PTPRK: variants seen among roughly 807,000 people sequenced by gnomAD.
The protein encoded by PTPRK is receptor-type tyrosine-protein phosphatase kappa.
PTPRK carries 75 observed loss-of-function variants against 178.0 expected under a neutral mutation model. The ratio of observed to expected loss-of-function variants is 0.42; its 90% confidence interval spans 0.35 to 0.51. PTPRK has a LOEUF of 0.51. PTPRK is among the 20% of genes least tolerant of loss of function. The probability of loss-of-function intolerance (pLI) is 0.02; values close to 1 mark genes in which losing one functional copy is unlikely to be tolerated. For synonymous variants in PTPRK, 637 were observed against 620.6 expected, an observed-to-expected ratio of 1.03 and a Z score of -0.39; for missense variants, 1,441 against 1,797.8, an observed-to-expected ratio of 0.80 and a Z score of 3.59.
At position 128,378,573 on chromosome 6, in the gene PTPRK, T is replaced by C. The variant is rs969969633; in HGVS notation, c.223+18993A>G. Among the ~76,000 whole-genome samples, 3 of 152,016 alleles carry C rather than the reference T, an allele frequency of 2.0e-5. No homozygotes were observed. In the East Asian group the frequency reaches 5.8e-4, roughly 29 times the overall value. Reference sequence around the variant, plus strand: ...ATAAGAAAATAAGCATGAAAAAAATTTCCACTGAAAATACAAATAAAGAAA... The same window carrying C: ...ATAAGAAAATAAGCATGAAAAAAATCTCCACTGAAAATACAAATAAAGAAA... On this transcript the variant is annotated intron_variant, in intron 2 of 29. Coordinates refer to ENST00000368226, the MANE Select transcript of PTPRK (RefSeq NM_002844.4).
At chr6:128,217,991 T>C (rs952580255) in intron 6 of PTPRK, among the ~76,000 whole-genome samples, 4 of 152,216 alleles carry the variant, frequency 2.6e-5, no homozygotes, top group African/African-American at 9.6e-5. Flanking sequence ...TAGATTTTCA[T>C]ATGGCTGAAG....
At chr6:128,256,682 C>T (rs974208681) in intron 3 of PTPRK, among the ~76,000 whole-genome samples, 142 of 151,638 alleles carry the variant, frequency 9.4e-4, no homozygotes, top group Non-Finnish European at 1.8e-3. Flanking sequence ...GTGATCCGCC[C>T]GCCTCAGCCT....
intron 2 of PTPRK, among the ~76,000 whole-genome samples, chr6:128,331,281 T>C (rs965227800): frequency 7.2e-5 from 11 of 152,142 alleles, no homozygotes; most frequent in African/African-American, 2.4e-4. Context: ...ACTTACATAA[T>C]GCTCTTTTAT....
At chr6:128,335,582 C>G (rs1358778194) in intron 2 of PTPRK, among the ~76,000 whole-genome samples, 1 of 151,524 alleles carries the variant, frequency 6.6e-6, no homozygotes, top group Non-Finnish European at 1.5e-5. Flanking sequence ...GAGAGGAAAA[C>G]AGGGTGGTAG....
At chr6:128,051,479 A>C in intron 13 of PTPRK, among the ~76,000 whole-genome samples, 1 of 152,026 alleles carries the variant, frequency 6.6e-6, no homozygotes, top group East Asian at 1.9e-4. Flanking sequence ...CAGTTTGCAA[A>C]CCCAGTTGCC....
chr6:128,092,127 A>G (rs1787074187), intron 7 of PTPRK, among the ~76,000 whole-genome samples: 1 of 152,230 alleles, frequency 6.6e-6, no homozygotes, highest in South Asian at 2.1e-4. Context: ...ATAAAGCACA[A>G]TCATAATTTC....
At chr6:128,464,612 T>G in intron 1 of PTPRK, among the ~76,000 whole-genome samples, 1 of 113,728 alleles carries the variant, frequency 8.8e-6, no homozygotes, top group South Asian at 2.9e-4. Context: ...TATATATATA[T>G]ACATATACAT....
Position 128,293,973 on chromosome 6 carries a change from A to T in PTPRK, c.495+28066T>A, listed in dbSNP as rs148033577. On this transcript the variant is annotated intron_variant, in intron 3 of 29. Coordinates refer to ENST00000368226, the MANE Select transcript of PTPRK (RefSeq NM_002844.4). ...ACAGAATCTAAGGGAAACATGCTTG[A>T]TATCCCTGTGATGGAGCCTTTGTGC... Among the ~76,000 whole-genome samples the T allele has an allele frequency of 3.2e-3, 486 of 152,236 alleles. 5 individuals are homozygous for T. The highest frequency in any genetic ancestry group is 5.8e-3 in the Non-Finnish European group (394 of 68,006).
intron 3 of PTPRK, among the ~76,000 whole-genome samples, chr6:128,257,167 T>C (rs183265878): frequency 9.9e-5 from 15 of 151,404 alleles, no homozygotes; most frequent in Admixed American, 8.6e-4. Flanking sequence ...GAGGCGGAGA[T>C]TGTGGTGAGC....
chr6:128,218,052 G>T (rs995361028), intron 6 of PTPRK, among the ~76,000 whole-genome samples: 4 of 152,036 alleles, frequency 2.6e-5, no homozygotes, highest in African/African-American at 7.2e-5. Flanking sequence ...TTCTCAGAGT[G>T]GTAACCTTAA....
At chr6:128,132,404 C>A (rs1198020499) in intron 7 of PTPRK, among the ~76,000 whole-genome samples, 1 of 152,172 alleles carries the variant, frequency 6.6e-6, no homozygotes, top group Non-Finnish European at 1.5e-5. Flanking sequence ...GATCTCCTGA[C>A]CTCGTGATCC....
At chr6:128,302,934 T>A (rs2128312940) in intron 3 of PTPRK, among the ~76,000 whole-genome samples, 1 of 151,280 alleles carries the variant, frequency 6.6e-6, no homozygotes, top group African/African-American at 2.5e-5. Flanking sequence ...ACCCCACAAC[T>A]CACAGTGTAC....
At chr6:128,007,928 A>G (rs1350753562) in intron 14 of PTPRK, 6 of 592,050 alleles carry the variant, frequency 1.0e-5, no homozygotes, top group Non-Finnish European at 1.7e-5. Flanking sequence ...AATACTTAAA[A>G]CTTTTGCCTC....
At chr6:128,063,161 T>C (rs1408346929) in intron 13 of PTPRK, among the ~76,000 whole-genome samples, 1 of 152,144 alleles carries the variant, frequency 6.6e-6, no homozygotes, top group Non-Finnish European at 1.5e-5. Flanking sequence ...CACACCACAC[T>C]GCATTCCTGA....
At chr6:128,064,658 C>T in intron 13 of PTPRK, 100 bp downstream of exon 13, 1 of 1,450,454 alleles carries the variant, frequency 6.9e-7, no homozygotes, top group East Asian at 2.4e-5. Flanking sequence ...CTAACTATAA[C>T]AGAAATGTCA....
intron 2 of PTPRK, among the ~76,000 whole-genome samples, chr6:128,355,501 G>A (rs921669924): frequency 7.9e-5 from 12 of 151,958 alleles, no homozygotes; most frequent in East Asian, 1.9e-4. Flanking sequence ...TCTCTTTACC[G>A]AATATTAATA....
rs35899707 is a variant in PTPRK at position 128,146,424 on chromosome 6, A to ATGTG, written c.1162+38004_1162+38007dup. 4.8e-3 allele frequency among the ~76,000 whole-genome samples: 647 copies of ATGTG among 135,992 alleles called. 1 individual carries two copies. The highest frequency in any genetic ancestry group is 0.022 in the Middle Eastern group (6 of 276). The allele number at this position is 135,992 out of a possible 152,430, so 89.2% of individuals were successfully genotyped here. On this transcript the variant is annotated intron_variant, in intron 7 of 29. Coordinates refer to ENST00000368226, the MANE Select transcript of PTPRK (RefSeq NM_002844.4). ...TGTGTGTTTATGTGTGTGTGTGTTT[A>ATGTG]TGTGTGTGTGTGTGTGTGTGTGTGT...
intron 1 of PTPRK, among the ~76,000 whole-genome samples, chr6:128,432,991 A>G (rs897503063): frequency 6.6e-6 from 1 of 152,142 alleles, no homozygotes; most frequent in African/African-American, 2.4e-5. Context: ...AACTATTTGT[A>G]TCAATACATA....
chr6:128,317,963 T>C (rs974751704), intron 3 of PTPRK, among the ~76,000 whole-genome samples: 11 of 152,112 alleles, frequency 7.2e-5, no homozygotes, highest in Admixed American at 6.5e-4. Flanking sequence ...CAACAAACAA[T>C]ATCCACAACA....
Sources: gnomAD v4.1 joint callset for allele counts (sites outside exome capture counted in the v4.1 genomes callset) on GRCh38, gnomAD v4.1.1 for gene constraint, MANE v1.5 for transcripts, NCBI Gene and HGNC (gene_info 2026-07-23, HGNC 2026-07-21) for gene names.